Variants in PRSS12 observed in about 807,000 individuals in gnomAD.
The protein encoded by PRSS12 is serine protease 12, also known as neurotrypsin.
A neutral mutation model predicts 104.4 loss-of-function variants in PRSS12; 85 were observed. The ratio of observed to expected loss-of-function variants is 0.81; its 90% confidence interval spans 0.68 to 0.98. PRSS12 has a LOEUF of 0.98. Ranked by LOEUF, PRSS12 falls within the 50% of genes least tolerant of loss-of-function variation. The pLI is 0.00. For synonymous variants in PRSS12, 454 were observed against 425.2 expected, an observed-to-expected ratio of 1.07 and a Z score of -0.83; for missense variants, 1,141 against 1,139.2, an observed-to-expected ratio of 1.00 and a Z score of -0.02.
intron 9 of PRSS12, 68 bp from the exon 10 acceptor site, chr4:118,295,924 A>T: frequency 7.4e-7 from 1 of 1,344,276 alleles, no homozygotes; most frequent in Non-Finnish European, 1.1e-6. Flanking sequence ...GATAAGTGAC[A>T]TACTCCACTG....
In PRSS12 at chr4:118,282,050, C is replaced by A. The variant is rs1578898656; in HGVS notation, c.2514G>T (p.Trp838Cys). The A allele has an allele frequency of 1.9e-6, 3 of 1,614,058 alleles. No individual in the cohort carries two copies. The African/African-American group carries it at 4.0e-5, about 22-fold the overall frequency. Residue 838 changes from tryptophan to cysteine, a missense_variant, in exon 13 of 13, where the codon TGG becomes TGT. By Grantham distance (215) the Trp-to-Cys change is radical (BLOSUM62 -2). Coordinates refer to ENST00000296498, the MANE Select transcript of PRSS12 (RefSeq NM_003619.4). ...PLMCERPGES[W>C]VVYGVTSWGY... ...CCCAGGAGGTCACCCCATACACCAC[C>A]CAGCTCTCTCCGGGCCGTTCACACA... is the stretch of plus-strand genomic sequence containing the variant.
At chr4:118,315,683 AAG>A (rs1237073124) in intron 6 of PRSS12, among the ~76,000 whole-genome samples, 4 of 152,216 alleles carry the variant, frequency 2.6e-5, no homozygotes, top group Non-Finnish European at 4.4e-5. Context: ...CTCAGCTTTT[AAG>A]AGAGTGAGGT....
chr4:118,288,281 C>T (rs1193983858), intron 11 of PRSS12, among the ~76,000 whole-genome samples: 1 of 152,194 alleles, frequency 6.6e-6, no homozygotes, highest in Non-Finnish European at 1.5e-5. Context: ...TTAGCCCTTA[C>T]ACATACACAA....
intron 4 of PRSS12, among the ~76,000 whole-genome samples, chr4:118,328,165 G>A (rs1723826984): frequency 6.6e-6 from 1 of 152,180 alleles, no homozygotes; most frequent in Admixed American, 6.6e-5. Flanking sequence ...AGAGAAAGAA[G>A]AGTCGTAGAG....
chr4:118,288,081 T>G (rs1430187462), intron 11 of PRSS12, among the ~76,000 whole-genome samples: 1 of 152,244 alleles, frequency 6.6e-6, no homozygotes, highest in Non-Finnish European at 1.5e-5. Flanking sequence ...AGGGTCATAT[T>G]CTTTGTGTTT....
intron 4 of PRSS12, among the ~76,000 whole-genome samples, chr4:118,319,982 G>A (rs1403095653): frequency 6.6e-6 from 1 of 152,042 alleles, no homozygotes; most frequent in Non-Finnish European, 1.5e-5. Flanking sequence ...TGACAGCCAA[G>A]TCTATTTCTA....
intron 4 of PRSS12, 82 bp downstream of exon 4, chr4:118,331,634 T>C: frequency 6.4e-7 from 1 of 1,574,468 alleles, no homozygotes; most frequent in Non-Finnish European, 8.7e-7. Flanking sequence ...AAATGTGCAA[T>C]TTAAACAAAC....
intron 8 of PRSS12, among the ~76,000 whole-genome samples, chr4:118,306,166 G>A (rs1743547275): frequency 6.6e-6 from 1 of 152,162 alleles, no homozygotes. Flanking sequence ...CACAGTGGCT[G>A]TACCATTCTA....
chr4:118,311,766 A>G (rs1743736360), intron 7 of PRSS12, among the ~76,000 whole-genome samples: 1 of 152,204 alleles, frequency 6.6e-6, no homozygotes, highest in Non-Finnish European at 1.5e-5. Flanking sequence ...CTAGAATTAA[A>G]AAGATTTTCA....
chr4:118,312,500 T>G (rs1743770214), intron 7 of PRSS12, among the ~76,000 whole-genome samples: 1 of 152,118 alleles, frequency 6.6e-6, no homozygotes, highest in Non-Finnish European at 1.5e-5. Context: ...CATCAGACAT[T>G]AAGAAATTTA....
chr4:118,338,066 G>A lies in PRSS12; in HGVS notation c.641+110C>T. 3.6e-6 allele frequency: 5 copies of A among 1,401,028 alleles called. No homozygotes were observed. In the East Asian group the frequency reaches 7.1e-5, roughly 20 times the overall value. The allele number at this position is 1,401,028 out of a possible 1,614,324, so 86.8% of individuals were successfully genotyped here. On this transcript the variant is annotated intron_variant, in intron 2 of 12. Coordinates refer to ENST00000296498, the MANE Select transcript of PRSS12 (RefSeq NM_003619.4). ...GCTCTTTTGTGAAAAGTGAGAATGA[G>A]GAAAGTGACAGTAAGAAACAAAGAT...
At chr4:118,297,957 T>G (rs1330783128) in intron 9 of PRSS12, among the ~76,000 whole-genome samples, 1 of 151,874 alleles carries the variant, frequency 6.6e-6, no homozygotes, top group African/African-American at 2.4e-5. Flanking sequence ...AGACAACACG[T>G]GAAACCCCCG....
In PRSS12 at chr4:118,281,764, C is replaced by A. The variant is rs1560761072; in HGVS notation, c.*172G>T. The A allele has an allele frequency of 1.5e-6, 1 of 646,618 alleles. No individual in the cohort carries two copies. Among genetic ancestry groups the A allele is most frequent in the East Asian group, 2.7e-5 (1 of 36,806 alleles). 40.1% of individuals were successfully genotyped at this position (646,618 alleles called of 1,614,324 possible). Reference sequence around the variant, plus strand: ...GATTATCACTTCCACTACACTGAGGCCTCTGAAAATGTTCACAAATTTCTC... The same window carrying A: ...GATTATCACTTCCACTACACTGAGGACTCTGAAAATGTTCACAAATTTCTC... On this transcript the variant is annotated 3_prime_UTR_variant, in exon 13 of 13. Coordinates refer to ENST00000296498, the MANE Select transcript of PRSS12 (RefSeq NM_003619.4).
chr4:118,326,748 T>C (rs1723781298), intron 4 of PRSS12, among the ~76,000 whole-genome samples: 1 of 152,208 alleles, frequency 6.6e-6, no homozygotes, highest in African/African-American at 2.4e-5. Flanking sequence ...ACCTCAAGAC[T>C]CTGCCTCCCA....
intron 9 of PRSS12, among the ~76,000 whole-genome samples, chr4:118,297,346 A>C (rs1743276579): frequency 6.6e-6 from 1 of 152,154 alleles, no homozygotes; most frequent in African/African-American, 2.4e-5. Context: ...TATGTTTTTC[A>C]ACTGCTTACG....
chr4:118,288,881 A>G lies in PRSS12; in HGVS notation c.2040-5770T>C, dbSNP rs1024671128. On this transcript the variant is annotated intron_variant, in intron 11 of 12. Coordinates refer to ENST00000296498, the MANE Select transcript of PRSS12 (RefSeq NM_003619.4). ...CAACAGGCTACTGCATTCCATGTGT[A>G]TTGCATTAACATTAAGAAAAATGTG... 3.7e-4 allele frequency among the ~76,000 whole-genome samples: 57 copies of G among 152,342 alleles called. 1 individual carries two copies. The highest frequency in any genetic ancestry group is 1.3e-3 in the African/African-American group (53 of 41,594).
chr4:118,334,839 C>A (rs899614129), intron 3 of PRSS12, among the ~76,000 whole-genome samples: 5 of 152,296 alleles, frequency 3.3e-5, no homozygotes, highest in Admixed American at 2.6e-4. Context: ...TGTGATCATT[C>A]ATTAAAATAC....
rs753209011 is a variant in PRSS12 at position 118,331,863 on chromosome 4, G to A, written c.824C>T (p.Pro275Leu). 2 of 1,613,804 alleles carry A rather than the reference G, an allele frequency of 1.2e-6. No individual in the cohort carries two copies. The highest frequency in any genetic ancestry group is 2.7e-5 in the African/African-American group (2 of 74,898). ...AGCAAGGCGAATGATGGGGAACGTT[G>A]GGCCTGTGCAATGTGAAGTTAAAAA... Reference protein sequence around the residue: ...AAVTCSFSHGPTFPIIRLAGG... With the variant: ...AAVTCSFSHGLTFPIIRLAGG... The change falls in exon 4 of 13, where the codon CCA becomes CTA. Residue 275 changes from proline (P) to leucine (L), a missense_variant. By Grantham distance (98) the Pro-to-Leu change is moderately conservative (BLOSUM62 -3). Transcript: ENST00000296498.
chr4:118,294,829 C>T (rs1052872820), intron 11 of PRSS12, 110 bp downstream of exon 11: 39 of 1,479,002 alleles, frequency 2.6e-5, no homozygotes, highest in East Asian at 1.8e-4. Flanking sequence ...GCACAAGCAG[C>T]GAAAGCTCAT....
Sources: allele counts gnomAD v4.1 joint callset (sites outside exome capture counted in the v4.1 genomes callset), GRCh38; gene constraint gnomAD v4.1.1; transcripts MANE v1.5; gene names NCBI Gene and HGNC (gene_info 2026-07-23, HGNC 2026-07-21).